The following RNF144A variants were observed in gnomAD, a reference collection of about 807,000 sequenced individuals.
RNF144A encodes ring finger protein 144A.
A neutral mutation model predicts 38.7 loss-of-function variants in RNF144A; 11 were observed. That is an observed-to-expected ratio of 0.28 (90% confidence interval 0.18 to 0.47). RNF144A has a LOEUF of 0.47. Among genes scored for constraint, RNF144A ranks in the 20% least tolerant of loss-of-function variants. RNF144A has a pLI of 0.99. For missense variants in RNF144A, 316 were observed against 377.2 expected (o/e 0.84, Z 1.34); for synonymous variants, 149 against 143.9 (o/e 1.04, Z -0.25).
At chr2:7,002,294 G>C (rs1346414003) in intron 3 of RNF144A, among the ~76,000 whole-genome samples, 1 of 152,174 alleles carries the variant, frequency 6.6e-6, no homozygotes, top group African/African-American at 2.4e-5. Flanking sequence ...CAGATGCCCT[G>C]GGTACGTAGG....
At chr2:6,953,967 A>G (rs1173925986) in intron 2 of RNF144A, among the ~76,000 whole-genome samples, 1 of 152,080 alleles carries the variant, frequency 6.6e-6, no homozygotes, top group African/African-American at 2.4e-5. Context: ...TAAGACTTTT[A>G]TAATGTATTA....
intron 6 of RNF144A, among the ~76,000 whole-genome samples, chr2:7,023,511 A>T (rs1338517495): frequency 6.6e-6 from 1 of 151,970 alleles, no homozygotes; most frequent in African/African-American, 2.4e-5. Context: ...TAGCAAATGG[A>T]CCCCCATAAT....
chr2:6,949,298 T>G (rs1041707182), intron 2 of RNF144A, among the ~76,000 whole-genome samples: 6 of 151,958 alleles, frequency 3.9e-5, no homozygotes, highest in Non-Finnish European at 8.8e-5. Flanking sequence ...TATAAATGTT[T>G]CCAGGATGGG....
At chr2:6,950,085 A>G (rs2103312111) in intron 2 of RNF144A, among the ~76,000 whole-genome samples, 1 of 152,310 alleles carries the variant, frequency 6.6e-6, no homozygotes, top group Non-Finnish European at 1.5e-5. Context: ...GTAGAATTTG[A>G]CACATGAAAA....
At chr2:6,960,643 C>G (rs1667277923) in intron 2 of RNF144A, among the ~76,000 whole-genome samples, 1 of 152,192 alleles carries the variant, frequency 6.6e-6, no homozygotes, top group African/African-American at 2.4e-5. Context: ...CTGCGTAGAT[C>G]AGGCATGTAT....
intron 6 of RNF144A, among the ~76,000 whole-genome samples, chr2:7,050,545 C>T (rs1572481896): frequency 6.6e-6 from 1 of 152,316 alleles, no homozygotes; most frequent in South Asian, 2.1e-4. Flanking sequence ...ATCTTCTGCT[C>T]CCAGCCTCCT....
intron 2 of RNF144A, among the ~76,000 whole-genome samples, chr2:6,976,398 C>T (rs146788504): frequency 0.022 from 3,345 of 151,506 alleles, 59 homozygotes; most frequent in Middle Eastern, 0.044. Flanking sequence ...AATTTTATCT[C>T]GTTCCTTGAT....
chr2:6,949,454 A>G (rs1295052631), intron 2 of RNF144A, among the ~76,000 whole-genome samples: 1 of 150,994 alleles, frequency 6.6e-6, no homozygotes, highest in Non-Finnish European at 1.5e-5. Flanking sequence ...TAGAATAGAG[A>G]ATAAATTGAA....
chr2:7,049,447 C>T (rs989858141), intron 6 of RNF144A, among the ~76,000 whole-genome samples: 3 of 152,028 alleles, frequency 2.0e-5, no homozygotes, highest in Admixed American at 1.3e-4. Context: ...GAGAGAAAAC[C>T]TCTGGAGATT....
At chr2:6,995,835 A>ATCC (rs1308746772) in intron 2 of RNF144A, among the ~76,000 whole-genome samples, 1 of 152,190 alleles carries the variant, frequency 6.6e-6, no homozygotes, top group Non-Finnish European at 1.5e-5. Flanking sequence ...AATACTTTGC[A>ATCC]TCCTTCAATC....
chr2:6,957,821 AC>A, intron 2 of RNF144A, among the ~76,000 whole-genome samples: 1 of 152,064 alleles, frequency 6.6e-6, no homozygotes, highest in South Asian at 2.1e-4. Flanking sequence ...GTTTCCTCCT[AC>A]CCCTTTTCCA....
Position 6,962,888 on chromosome 2 carries a change from T to G in RNF144A, c.-12+21741T>G, listed in dbSNP as rs1279667495. 1.3e-5 allele frequency among the ~76,000 whole-genome samples: 2 copies of G among 152,186 alleles called. No individual in the cohort carries two copies. The highest frequency in any genetic ancestry group is 2.9e-5 in the Non-Finnish European group (2 of 68,038). ...CATCATGATGCCAGTGTTGAATTTGTGGTGGTCTTTGAACTGTGATTGATC... is the reference window on the plus strand; with the variant it reads ...CATCATGATGCCAGTGTTGAATTTGGGGTGGTCTTTGAACTGTGATTGATC... On this transcript the variant is annotated intron_variant, in intron 2 of 8. Transcript: ENST00000320892. This position sits in a 1 kb window ranked among gnomAD's most constrained non-coding sequence, Gnocchi z 4.1.
intron 2 of RNF144A, among the ~76,000 whole-genome samples, chr2:6,990,278 T>C (rs1292261202): frequency 4.0e-5 from 6 of 151,872 alleles, no homozygotes; most frequent in Admixed American, 3.9e-4. Flanking sequence ...ATGGGAGCTC[T>C]CTCGTCCTCT....
downstream of RNF144A, among the ~76,000 whole-genome samples, chr2:7,072,127 T>A (rs1474193346): frequency 6.6e-6 from 1 of 152,230 alleles, no homozygotes; most frequent in Non-Finnish European, 1.5e-5. Context: ...AATGGGGAAG[T>A]AGCTTTGGCA....
At chr2:6,947,916 G>C (rs914449748) in intron 2 of RNF144A, among the ~76,000 whole-genome samples, 1 of 152,212 alleles carries the variant, frequency 6.6e-6, no homozygotes, top group African/African-American at 2.4e-5. Flanking sequence ...TGTATTGAAG[G>C]ATGGGGAAAC....
In RNF144A at chr2:7,053,096, G is replaced by C. The variant is rs1168231500; in HGVS notation, c.735-15120G>C. Among the ~76,000 whole-genome samples the C allele has an allele frequency of 3.3e-5, 5 of 152,178 alleles. No homozygotes were observed. The South Asian group carries it at 1.0e-3, about 32-fold the overall frequency. ...CAACTGGTGATAAATTATTTTATTT[G>C]ATTCCCATGTTATTTTCTTCTCTGG... On this transcript the variant is annotated intron_variant, in intron 6 of 6. Coordinates refer to the RNF144A transcript ENST00000432850.
At chr2:6,920,537 C>A (rs1216173714) in intron 1 of RNF144A, among the ~76,000 whole-genome samples, 3 of 152,186 alleles carry the variant, frequency 2.0e-5, no homozygotes, top group Admixed American at 2.0e-4. Flanking sequence ...ATATTGAGCC[C>A]TCAGACTCTC....
At chr2:7,026,444 G>GT (rs1671898935) in intron 7 of RNF144A, among the ~76,000 whole-genome samples, 1 of 149,950 alleles carries the variant, frequency 6.7e-6, no homozygotes, top group Non-Finnish European at 1.5e-5. Flanking sequence ...GTCTTACCAA[G>GT]TTTTTTAGGG....
intron 2 of RNF144A, among the ~76,000 whole-genome samples, chr2:6,942,934 A>T (rs547679573): frequency 6.6e-6 from 1 of 152,314 alleles, no homozygotes; most frequent in South Asian, 2.1e-4. Flanking sequence ...CAGTGAGCTG[A>T]GTTCGTGGCA....
Sources: gnomAD v4.1 joint callset for allele counts (sites outside exome capture counted in the v4.1 genomes callset) on GRCh38, gnomAD v4.1.1 for gene constraint, Gnocchi (gnomAD v3.1) non-coding constraint, MANE v1.5 for transcripts, NCBI Gene and HGNC (gene_info 2026-07-23, HGNC 2026-07-21) for gene names.